Variants in LINGO2 observed in about 807,000 individuals in gnomAD.
The protein encoded by LINGO2 is leucine-rich repeat and immunoglobulin-like domain-containing nogo receptor-interacting protein 2.
Under a neutral mutation model 30.6 loss-of-function variants are expected in LINGO2, and 14 were observed. That is an observed-to-expected ratio of 0.46 (90% CI 0.30 to 0.72). The LOEUF is 0.72. LINGO2 is among the 30% of genes least tolerant of loss of function. The pLI is 0.07. For synonymous variants in LINGO2, 317 were observed against 288.5 expected, an observed-to-expected ratio of 1.10 and a Z score of -1.00; for missense variants, 729 against 751.7, an observed-to-expected ratio of 0.97 and a Z score of 0.35.
At chr9:28,168,684 A>C (rs189985472) in intron 4 of LINGO2, among the ~76,000 whole-genome samples, 3 of 152,382 alleles carry the variant, frequency 2.0e-5, no homozygotes, top group Admixed American at 6.5e-5. Context: ...ATTGCTCTAA[A>C]GGTACATGCA....
chr9:28,325,131 T>C (rs1040210766), intron 3 of LINGO2, among the ~76,000 whole-genome samples: 4 of 151,658 alleles, frequency 2.6e-5, no homozygotes, highest in Non-Finnish European at 5.9e-5. Flanking sequence ...TAAGATGGCC[T>C]GTTTCTCTCA....
chr9:28,620,838 T>C (rs1342603517), intron 1 of LINGO2, among the ~76,000 whole-genome samples: 1 of 151,108 alleles, frequency 6.6e-6, no homozygotes, highest in Non-Finnish European at 1.5e-5. Context: ...GGGTGGAGGG[T>C]GGGAAGAGGG....
intron 4 of LINGO2, among the ~76,000 whole-genome samples, chr9:28,162,719 T>A (rs184956852): frequency 5.9e-5 from 9 of 152,296 alleles, no homozygotes; most frequent in Admixed American, 5.2e-4. Flanking sequence ...TTCTGGGAGA[T>A]GGTTGCATGA....
intron 1 of LINGO2, among the ~76,000 whole-genome samples, chr9:28,522,896 T>A (rs377390609): frequency 2.2e-4 from 32 of 147,874 alleles, no homozygotes; most frequent in Admixed American, 1.3e-4. Context: ...AAAAAAAAAA[T>A]ATGGGAATAA....
chr9:28,955,989 T>C, the LINGO2 span, among the ~76,000 whole-genome samples: 13 of 151,918 alleles, frequency 8.6e-5, no homozygotes, highest in African/African-American at 1.5e-4. Context: ...ATTAACACTA[T>C]TATTGGAAAA....
chr9:29,128,566 G>T, the LINGO2 span, among the ~76,000 whole-genome samples: 2 of 152,066 alleles, frequency 1.3e-5, no homozygotes, highest in African/African-American at 4.8e-5. Context: ...GTCTGGCCTG[G>T]TTAGCATGTG....
At chr9:28,663,386 G>T (rs898579548) in intron 1 of LINGO2, among the ~76,000 whole-genome samples, 2 of 152,034 alleles carry the variant, frequency 1.3e-5, no homozygotes, top group Non-Finnish European at 2.9e-5. Context: ...GGTCATGCTG[G>T]GCTTGAACTC....
rs143448683 is a variant in LINGO2, at chr9:28,068,585, T to C, written c.-86-56180A>G. On this transcript the variant is annotated intron_variant, in intron 4 of 5. Transcript: ENST00000379992. The stretch of plus-strand genomic sequence containing the variant: ...TATTCATTCAATAGTAATCATTACA[T>C]ACTTAGTAGTAATAACTTTTACTCA... Among the ~76,000 whole-genome samples the C allele has an allele frequency of 7.8e-3, 1,184 of 152,332 alleles. 29 individuals carry two copies. Among genetic ancestry groups the C allele is most frequent in the East Asian group, 0.056 (289 of 5,178 alleles).
chr9:27,951,059 T>A (rs1264998989), intron 5 of LINGO2, among the ~76,000 whole-genome samples: 1 of 152,158 alleles, frequency 6.6e-6, no homozygotes, highest in Admixed American at 6.5e-5. Context: ...CAGTTTTAAT[T>A]TAAATGAAAG....
chr9:29,213,014 C>T, the LINGO2 span, among the ~76,000 whole-genome samples: 2 of 152,192 alleles, frequency 1.3e-5, no homozygotes, highest in African/African-American at 4.8e-5. Context: ...GGACTTCCCC[C>T]TCCTCAGCTC....
At chr9:28,512,914 T>A (rs4878362) in intron 1 of LINGO2, among the ~76,000 whole-genome samples, 148,013 of 151,626 alleles carry the variant, frequency 0.98, 72,345 homozygotes, top group Middle Eastern at 1. Flanking sequence ...CCTGCTTTAG[T>A]TTCACTTGCA....
chr9:28,549,046 G>C (rs974959563), intron 1 of LINGO2, among the ~76,000 whole-genome samples: 1 of 151,926 alleles, frequency 6.6e-6, no homozygotes. Flanking sequence ...ATATTAACCT[G>C]TATACAGTTC....
At chr9:28,500,000 G>A (rs1259121495) in intron 1 of LINGO2, among the ~76,000 whole-genome samples, 1 of 152,156 alleles carries the variant, frequency 6.6e-6, no homozygotes, top group South Asian at 2.1e-4. Context: ...TGTGACACCA[G>A]AGATTTTTCT....
the LINGO2 span, among the ~76,000 whole-genome samples, chr9:28,993,281 T>A: frequency 4.6e-5 from 7 of 151,988 alleles, no homozygotes; most frequent in Admixed American, 3.9e-4. Flanking sequence ...ATGGATAAAT[T>A]CCTCGACACA....
At chr9:29,150,406 T>C in the LINGO2 span, among the ~76,000 whole-genome samples, 1 of 152,154 alleles carries the variant, frequency 6.6e-6, no homozygotes, top group Non-Finnish European at 1.5e-5. Flanking sequence ...AGCTCTATAA[T>C]AATGGTTCTT....
the LINGO2 span, among the ~76,000 whole-genome samples, chr9:28,813,612 T>A: frequency 2.6e-5 from 4 of 152,110 alleles, no homozygotes; most frequent in Admixed American, 1.3e-4. Context: ...GAGACACACA[T>A]TGAACAAGGC....
chr9:28,781,031 A>G, the LINGO2 span, among the ~76,000 whole-genome samples: 1 of 152,182 alleles, frequency 6.6e-6, no homozygotes, highest in Non-Finnish European at 1.5e-5. Context: ...ATGTGTGTTT[A>G]TATACAGAGT....
At chr9:28,684,938 T>C in the LINGO2 span, among the ~76,000 whole-genome samples, 2 of 152,138 alleles carry the variant, frequency 1.3e-5, no homozygotes, top group Non-Finnish European at 2.9e-5. Context: ...CCAGGGAATA[T>C]GCATAACACG....
intron 5 of LINGO2, among the ~76,000 whole-genome samples, chr9:28,003,463 G>A (rs1822086997): frequency 6.6e-6 from 1 of 151,926 alleles, no homozygotes; most frequent in Admixed American, 6.6e-5. Flanking sequence ...TTATTTAGAA[G>A]TTCAATGATT....
Sources: gnomAD v4.1 joint callset for allele counts (sites outside exome capture counted in the v4.1 genomes callset) on GRCh38, gnomAD v4.1.1 for gene constraint, MANE v1.5 for transcripts, NCBI Gene and HGNC (gene_info 2026-07-23, HGNC 2026-07-21) for gene names.